The following PLXNB3 variants were observed in gnomAD, a reference collection of about 807,000 sequenced individuals.
The protein encoded by PLXNB3 is plexin B3.
Under a neutral mutation model 125.7 loss-of-function variants are expected in PLXNB3, and 80 were observed. The ratio of observed to expected loss-of-function variants is 0.64; its 90% CI spans 0.53 to 0.77. The LOEUF is 0.77. Among genes scored for constraint, PLXNB3 ranks in the 30% least tolerant of loss-of-function variants. PLXNB3 has a pLI of 0.00. For missense variants in PLXNB3, 1,836 were observed against 1,729.3 expected, an observed-to-expected ratio of 1.06 and a Z score of -1.09; for synonymous variants, 954 against 783.3, an observed-to-expected ratio of 1.22 and a Z score of -3.64.
At chrX:153,766,576 G>T (rs1304710677) in intron 2 of PLXNB3, 2 of 1,042,273 alleles carry the variant, frequency 1.9e-6, no homozygotes, top group Admixed American at 9.4e-5. Flanking sequence ...CAATCTACAT[G>T]CATATAAAGT....
Position 153,778,044 on chromosome X carries a change from C to A in PLXNB3, c.5358C>A (p.Ile1786=). Residue 1786 remains isoleucine (I), a synonymous_variant, in exon 32 of 36, where the codon ATC becomes ATA. Coordinates refer to ENST00000361971, the MANE Select transcript of PLXNB3 (RefSeq NM_005393.3). ...ATGTGGACGCCATCCTTGCTGTCAT[C>A]GCCCAGACCTTCATTGACTCCTGTA... The part of the protein sequence containing the change: ...SDNVDAILAV[I]AQTFIDSCTT... 8.3e-7 allele frequency: 1 copy of A among 1,211,901 alleles called. No homozygotes were observed. Among genetic ancestry groups the A allele is most frequent in the Non-Finnish European group, 1.1e-6 (1 of 895,492 alleles).
In PLXNB3 at chrX:153,767,207, A is replaced by G; in HGVS notation, c.380A>G (p.Gln127Arg). Residue 127 changes from glutamine (Q) to arginine (R), a missense_variant, in exon 3 of 36, where the codon CAG becomes CGG. By Grantham distance (43) the Gln-to-Arg change is conservative. Transcript: ENST00000361971. ...NQLLLVSSRA[Q>R]ELVACGQVRQ... ...CTGCTGCTGGTGAGCAGCCGCGCCC[A>G]GGAGCTGGTGGCCTGCGGGCAGGTG... is the stretch of plus-strand genomic sequence containing the variant. 1 of 1,205,751 alleles carries G rather than the reference A, an allele frequency of 8.3e-7. No individual in the cohort carries two copies. The highest frequency in any genetic ancestry group is 1.1e-6 in the Non-Finnish European group (1 of 892,775).
chrX:153,773,750 G>A (rs782325158), intron 19 of PLXNB3, 37 bp downstream of exon 19: 61 of 1,176,529 alleles, frequency 5.2e-5, no homozygotes, highest in Middle Eastern at 2.8e-4. Flanking sequence ...GGCTGTCCCC[G>A]ACCATGCCCA....
chrX:153,774,882 C>G lies in PLXNB3; in HGVS notation c.3934C>G (p.Leu1312Val). 1 of 1,199,481 alleles carries G rather than the reference C, an allele frequency of 8.3e-7. No individual in the cohort carries two copies. Among genetic ancestry groups the G allele is most frequent in the East Asian group, 3.0e-5 (1 of 33,708 alleles). ...CTCGGCGCCTCCTGGCCCCGCAGAC[C>G]TCATGACGGAGATGACCGACCTCAG... The part of the protein sequence containing the change: ...GDQCRKEFTD[L>V]MTEMTDLSSD... The change falls in exon 24 of 36, where the codon CTC (leucine) becomes GTC (valine). Residue 1312 changes from leucine (L) to valine (V), a missense_variant and splice_region_variant. Leu to Val is a conservative substitution (Grantham distance 32). Coordinates refer to ENST00000361971, the MANE Select transcript of PLXNB3 (RefSeq NM_005393.3).
chrX:153,769,426 A>G (rs1391464002), intron 6 of PLXNB3, among the ~76,000 whole-genome samples, 164 bp downstream of exon 6: 1 of 111,966 alleles, frequency 8.9e-6, no homozygotes, highest in African/African-American at 3.2e-5. Flanking sequence ...CTGAGCCGTC[A>G]ATCTGGTTGG....
rs1402800672 is a variant in PLXNB3, at chrX:153,765,639, G to C, written c.45+59G>C. On this transcript the variant is annotated intron_variant, in intron 2 of 35. Transcript: ENST00000361971. ...TCCTGGGAGGGGCAGGGTAGGGCAG[G>C]ATGGCTGTGGCCAGGCCCAGGACAT... The C allele has an allele frequency of 4.3e-6, 5 of 1,167,423 alleles. No homozygotes were observed. The East Asian group carries it at 1.6e-4, about 38-fold the overall frequency.
chrX:153,769,702 G>A (rs2091902928), intron 6 of PLXNB3, 105 bp from the exon 7 acceptor site: 2 of 849,173 alleles, frequency 2.4e-6, no homozygotes, highest in Admixed American at 6.5e-5. Context: ...CCTGCTCATT[G>A]CACCCCACTG....
Position 153,777,617 on chromosome X carries a change from C to A in PLXNB3, c.5190C>A (p.Asp1730Glu). The change falls in exon 31 of 36, where the codon GAC becomes GAA. Residue 1730 changes from aspartate to glutamate, a missense_variant. By Grantham distance (45) the Asp-to-Glu change is conservative. Transcript: ENST00000361971. ...PIPIAVKYLF[D>E]LLDELAEKHG... ...CCATCGCCGTCAAGTACCTGTTTGACCTTCTGGATGAGCTAGCAGAGAAGC... is the reference window on the plus strand; with the variant it reads ...CCATCGCCGTCAAGTACCTGTTTGAACTTCTGGATGAGCTAGCAGAGAAGC... The A allele has an allele frequency of 8.3e-7, 1 of 1,211,791 alleles. No individual in the cohort carries two copies. The highest frequency in any genetic ancestry group is 3.0e-5 in the East Asian group (1 of 33,863).
intron 6 of PLXNB3, 100 bp from the exon 7 acceptor site, chrX:153,769,702 GCACCC>G: frequency 1.2e-6 from 1 of 849,174 alleles, no homozygotes; most frequent in East Asian, 3.5e-5. Context: ...CCTGCTCATT[GCACCC>G]CACTGCACTC....
At chrX:153,770,490 A>G (rs1569541853) in intron 9 of PLXNB3, 38 bp from the exon 10 acceptor site, 4 of 1,202,460 alleles carry the variant, frequency 3.3e-6, no homozygotes, top group Non-Finnish European at 4.5e-6. Context: ...TGGCGACCCC[A>G]GAGGGCACTC....
chrX:153,777,110 C>T, intron 29 of PLXNB3, 98 bp from the exon 30 acceptor site: 1 of 1,041,590 alleles, frequency 9.6e-7, no homozygotes, highest in Non-Finnish European at 1.3e-6. Context: ...TCCTTTCTTC[C>T]AGTCCCCACA....
At chrX:153,764,738 G>A (rs1040612422) in intron 1 of PLXNB3, among the ~76,000 whole-genome samples, 24 of 112,710 alleles carry the variant, frequency 2.1e-4, no homozygotes, top group African/African-American at 7.7e-4. Context: ...GCCTGTGAGG[G>A]TGACAGGGGG....
At chrX:153,766,649 C>G in intron 2 of PLXNB3, 1 of 753,550 alleles carries the variant, frequency 1.3e-6, no homozygotes, top group Non-Finnish European at 1.6e-6. Context: ...CTCCCTGCCT[C>G]TTGCTCCAGC....
At chrX:153,771,439 T>C (rs781786175) in intron 13 of PLXNB3, 36 bp downstream of exon 13, 1 of 1,202,591 alleles carries the variant, frequency 8.3e-7, no homozygotes, top group Non-Finnish European at 1.1e-6. Context: ...CGGGGCAGGG[T>C]GGGTGGCAGA....
chrX:153,767,977 G>A, intron 3 of PLXNB3, 64 bp downstream of exon 3: 1 of 1,042,301 alleles, frequency 9.6e-7, no homozygotes, highest in Non-Finnish European at 1.2e-6. Flanking sequence ...GCACTGGACA[G>A]GGGTGCCTGC....
Position 153,772,029 on chromosome X carries a change from A to G in PLXNB3, c.2669+14A>G. 1 of 1,178,801 alleles carries G rather than the reference A, an allele frequency of 8.5e-7. No individual in the cohort carries two copies. Among genetic ancestry groups the G allele is most frequent in the Non-Finnish European group, 1.1e-6 (1 of 878,856 alleles). On this transcript the variant is annotated intron_variant, in intron 15 of 35. Coordinates refer to ENST00000361971, the MANE Select transcript of PLXNB3 (RefSeq NM_005393.3). ...CACGTCGGCCCGGTGAGGCACTTGGAGGGTGAAGATGGGTGGGGAGGCCCT... is the reference window on the plus strand; with the variant it reads ...CACGTCGGCCCGGTGAGGCACTTGGGGGGTGAAGATGGGTGGGGAGGCCCT...
At position 153,776,477 on chromosome X, in the gene PLXNB3, G is replaced by T. The variant is rs371364749; in HGVS notation, c.4833+18G>T. 657 of 767,989 alleles carry T rather than the reference G, an allele frequency of 8.6e-4. No homozygotes were observed. Among genetic ancestry groups the T allele is most frequent in the Non-Finnish European group, 1.1e-3 (608 of 535,439 alleles). 63.3% of individuals were successfully genotyped at this position (767,989 alleles called of 1,213,427 possible). A position where few individuals can be genotyped will look rare whatever the true frequency, so the allele number is the denominator to read the frequency against. On this transcript the variant is annotated intron_variant, in intron 28 of 35. Coordinates refer to ENST00000361971, the MANE Select transcript of PLXNB3 (RefSeq NM_005393.3). ...ACTACAAGGTGTGAGCAGGGACGGG[G>T]CGAGGCAGGGCGGGGCTGGGGCGGG...
intron 4 of PLXNB3, among the ~76,000 whole-genome samples, chrX:153,768,716 C>G (rs1168687434): frequency 1.8e-5 from 2 of 112,314 alleles, no homozygotes; most frequent in African/African-American, 6.5e-5. Context: ...AGAACTGTCC[C>G]TGGTACACGG....
At chrX:153,772,709 G>C in intron 16 of PLXNB3, 177 bp from the exon 17 acceptor site, 1 of 1,011,378 alleles carries the variant, frequency 9.9e-7, no homozygotes, top group Non-Finnish European at 1.3e-6. Flanking sequence ...GGGTGGGTGG[G>C]AGGAAGCTGG....
Sources: gnomAD v4.1 joint callset for allele counts (sites outside exome capture counted in the v4.1 genomes callset) on GRCh38, gnomAD v4.1.1 for gene constraint, MANE v1.5 for transcripts, NCBI Gene and HGNC (gene_info 2026-07-23, HGNC 2026-07-21) for gene names.